Variants in TMLHE observed in about 807,000 individuals in gnomAD.
The protein encoded by TMLHE is trimethyllysine dioxygenase, mitochondrial.
A neutral mutation model predicts 25.7 loss-of-function variants in TMLHE; 18 were observed. The observed-to-expected ratio is 0.70, with a 90% CI of 0.48 to 1.04. TMLHE has a LOEUF of 1.04. TMLHE is among the 50% of genes least tolerant of loss of function. The probability of loss-of-function intolerance (pLI) is 0.00; values close to 1 mark genes in which losing one functional copy is unlikely to be tolerated. For missense variants in TMLHE, 236 were observed against 259.0 expected, an observed-to-expected ratio of 0.91 and a Z score of 0.61; for synonymous variants, 105 against 97.0, an observed-to-expected ratio of 1.08 and a Z score of -0.49.
rs1163031191 is a variant in TMLHE at position 155,569,502 on chromosome X, T to C, written c.-1-24225A>G. Among the ~76,000 whole-genome samples, 2 of 56,272 alleles carry C rather than the reference T, an allele frequency of 3.6e-5. 1 individual carries two copies. The highest frequency in any genetic ancestry group is 9.2e-5 in the Non-Finnish European group (2 of 21,763). The allele number at this position is 56,272 out of a possible 115,157, so 48.9% of individuals were successfully genotyped here. On this transcript the variant is annotated intron_variant, in intron 1 of 7. Transcript: ENST00000334398. ...ACAGAGAACGCCACAAAGATACTCCTTGAGAAGAGCAACTCCAAGACACAT... is the reference window on the plus strand; with the variant it reads ...ACAGAGAACGCCACAAAGATACTCCCTGAGAAGAGCAACTCCAAGACACAT...
chrX:155,547,951 CAA>C (rs2067365020), intron 1 of TMLHE, among the ~76,000 whole-genome samples: 1 of 110,942 alleles, frequency 9.0e-6, no homozygotes, highest in Non-Finnish European at 1.9e-5. Context: ...TGGTAGAAAA[CAA>C]AGTCTCTCCT....
intron 6 of TMLHE, among the ~76,000 whole-genome samples, chrX:155,506,138 C>G (rs1453777142): frequency 1.8e-5 from 2 of 110,803 alleles, no homozygotes; most frequent in Non-Finnish European, 3.8e-5. Flanking sequence ...TTAGAAGGAT[C>G]TTAACATGGG....
intron 3 of TMLHE, among the ~76,000 whole-genome samples, chrX:155,524,075 T>A (rs897842139): frequency 3.6e-5 from 4 of 111,766 alleles, no homozygotes; most frequent in African/African-American, 9.8e-5. Context: ...TATGTTAGGA[T>A]GTCATGTATC....
At position 155,506,988 on chromosome X, in the gene TMLHE, A is replaced by G; in HGVS notation, c.905T>C (p.Ile302Thr). The G allele has an allele frequency of 1.7e-6, 2 of 1,210,028 alleles. No homozygotes were observed. Among genetic ancestry groups the G allele is most frequent in the Non-Finnish European group, 2.2e-6 (2 of 894,444 alleles). ...GTTGTGACATTCTCCAACATCTTCA[A>G]TATATTCATGCTTCAATGGCACTTT... ...LSKVPLKHEY[I>T]EDVGECHNHM... The change falls in exon 6 of 8, where the codon ATT becomes ACT. Residue 302 changes from isoleucine (I) to threonine (T), a missense_variant. By Grantham distance (89) the Ile-to-Thr change is moderately conservative (BLOSUM62 -1). This residue lies in a region of TMLHE where 19 missense variants were observed against 44.4 expected (regional missense o/e 0.43). Coordinates refer to ENST00000334398, the MANE Select transcript of TMLHE (RefSeq NM_018196.4).
At position 155,549,249 on chromosome X, in the gene TMLHE, CTCA is replaced by C. The variant is rs1557339602; in HGVS notation, c.-1-3975_-1-3973del. Among the ~76,000 whole-genome samples the C allele has an allele frequency of 2.7e-5, 3 of 110,726 alleles. 1 individual carries two copies. The highest frequency in any genetic ancestry group is 5.7e-5 in the Non-Finnish European group (3 of 53,018). ...TTGTTTGTTTTTTTGCTGCATTGTG[CTCA>C]CTAGTTAGGAGGAGTAAGCATGGAC... On this transcript the variant is annotated intron_variant, in intron 1 of 7. Transcript: ENST00000334398.
At chrX:155,586,683 T>C (rs1397803625) in intron 1 of TMLHE, among the ~76,000 whole-genome samples, 2 of 111,361 alleles carry the variant, frequency 1.8e-5, no homozygotes, top group East Asian at 2.8e-4. Context: ...AAAGGAGATA[T>C]TACAACTGAT....
intron 2 of TMLHE, among the ~76,000 whole-genome samples, chrX:155,535,356 G>A (rs1039528929): frequency 3.6e-5 from 4 of 112,198 alleles, no homozygotes; most frequent in African/African-American, 1.3e-4. Context: ...GAGGGTTCCA[G>A]GCCATTTGAT....
intron 3 of TMLHE, among the ~76,000 whole-genome samples, chrX:155,515,061 A>T: frequency 9.0e-6 from 1 of 110,877 alleles, no homozygotes; most frequent in Non-Finnish European, 1.9e-5. Flanking sequence ...CACACTTTGG[A>T]TAATTTGGAA....
At chrX:155,592,233 A>G (rs1262719352) in intron 1 of TMLHE, among the ~76,000 whole-genome samples, 1 of 111,688 alleles carries the variant, frequency 9.0e-6, no homozygotes, top group Non-Finnish European at 1.9e-5. Context: ...CAAATGATAA[A>G]CAATTTCAAT....
At chrX:155,540,237 G>A (rs2067303091) in intron 2 of TMLHE, among the ~76,000 whole-genome samples, 1 of 110,773 alleles carries the variant, frequency 9.0e-6, no homozygotes, top group African/African-American at 3.3e-5. Context: ...CCTACACTGA[G>A]ACCCATCAAA....
Position 155,511,787 on chromosome X carries a change from G to A in TMLHE, c.644C>T (p.Thr215Ile). The change falls in exon 5 of 8, where the codon ACC becomes ATC. Residue 215 changes from threonine (T) to isoleucine (I), a missense_variant. Around this residue, in one of 2 missense-constraint regions of TMLHE, gnomAD observed 217 missense variants for 214.6 expected, o/e 1.01. Coordinates refer to ENST00000334398, the MANE Select transcript of TMLHE (RefSeq NM_018196.4). ...GAAATACCACATCCTCCCATAAATGGTTTCTCTGTTAGTTGAAATAAAGAA... is the reference window on the plus strand; with the variant it reads ...GAAATACCACATCCTCCCATAAATGATTTCTCTGTTAGTTGAAATAAAGAA... ...LAERISLIRETIYGRMWYFTS... is the reference protein window; with the variant it reads ...LAERISLIREIIYGRMWYFTS... 1 of 1,162,846 alleles carries A rather than the reference G, an allele frequency of 8.6e-7. No individual in the cohort carries two copies. The highest frequency in any genetic ancestry group is 1.2e-6 in the Non-Finnish European group (1 of 864,109).
chrX:155,606,976 A>C (rs1557347897), intron 1 of TMLHE, among the ~76,000 whole-genome samples: 2 of 111,427 alleles, frequency 1.8e-5, no homozygotes, highest in Non-Finnish European at 3.8e-5. Flanking sequence ...ATCAGTAATG[A>C]AAAGCCTACC....
intron 2 of TMLHE, among the ~76,000 whole-genome samples, chrX:155,541,411 T>G (rs1175467847): frequency 8.9e-6 from 1 of 111,834 alleles, no homozygotes; most frequent in Non-Finnish European, 1.9e-5. Context: ...TTCCATGGTG[T>G]ATATGTGCCA....
chrX:155,559,240 T>C (rs1249419134), intron 1 of TMLHE, among the ~76,000 whole-genome samples: 1 of 111,542 alleles, frequency 9.0e-6, no homozygotes, highest in African/African-American at 3.3e-5. Context: ...TTGTTGTCTT[T>C]ACAAATATGC....
rs188955826 is a variant in TMLHE at position 155,547,592 on chromosome X, C to G, written c.-1-2315G>C. Among the ~76,000 whole-genome samples the G allele has an allele frequency of 3.3e-4, 37 of 111,076 alleles. 1 individual carries two copies. In the East Asian group the frequency reaches 0.01, roughly 30 times the overall value. The stretch of plus-strand genomic sequence containing the variant: ...TTATAATAGTTTTAAGCATACAACA[C>G]AGTGAAAGGTGCAAAGGAGTAAGAA... On this transcript the variant is annotated intron_variant, in intron 1 of 7. Transcript: ENST00000334398.
intron 7 of TMLHE, 23 bp from the exon 8 acceptor site, chrX:155,491,689 A>C (rs781880605): frequency 1.9e-6 from 2 of 1,038,561 alleles, no homozygotes; most frequent in Non-Finnish European, 2.6e-6. Flanking sequence ...CAAAAAAAAA[A>C]AAAAAAGAGA....
At chrX:155,596,065 G>T (rs2067718553) in intron 1 of TMLHE, among the ~76,000 whole-genome samples, 1 of 112,095 alleles carries the variant, frequency 8.9e-6, no homozygotes, top group Non-Finnish European at 1.9e-5. Context: ...GTAAGGAAGA[G>T]AAGTGAATAT....
At position 155,548,526 on chromosome X, in the gene TMLHE, C is replaced by G. The variant is rs782079550; in HGVS notation, c.-1-3249G>C. On this transcript the variant is annotated intron_variant, in intron 1 of 7. Transcript: ENST00000334398. ...CAAGGCGGGCGGATCACAAGGTCAG[C>G]AGTATGAGGCCAGCCTGACTAACAT... is the stretch of plus-strand genomic sequence containing the variant. 3.2e-3 allele frequency among the ~76,000 whole-genome samples: 344 copies of G among 108,228 alleles called. 9 individuals carry two copies. Among genetic ancestry groups the G allele is most frequent in the African/African-American group, 8.8e-3 (250 of 28,349 alleles). The allele number at this position is 108,228 out of a possible 115,157, so 94.0% of individuals were successfully genotyped here.
intron 1 of TMLHE, chrX:155,612,379 TGAGGCAGGAAGAGGG>T (rs2067829323): frequency 9.0e-6 from 1 of 111,349 alleles, no homozygotes; most frequent in Admixed American, 9.4e-5. Flanking sequence ...CCGAACAAAG[TGAGGCAGGAAGAGGG>T]TAGGGACTCG....
Sources: gnomAD v4.1 joint callset for allele counts (sites outside exome capture counted in the v4.1 genomes callset) on GRCh38, gnomAD v4.1.1 for gene constraint, gnomAD v4.1.1 regional missense constraint, MANE v1.5 for transcripts, NCBI Gene and HGNC (gene_info 2026-07-23, HGNC 2026-07-21) for gene names.